PLAC1: variants seen among roughly 807,000 people sequenced by gnomAD.
PLAC1 encodes the protein placenta associated 1.
For synonymous variants in PLAC1, 68 were observed against 62.1 expected (o/e 1.09, Z -0.44); for missense variants, 136 against 163.2 (o/e 0.83, Z 0.91).
chrX:134,703,166 G>T (rs913884045), intron 2 of PLAC1, among the ~76,000 whole-genome samples: 6 of 111,679 alleles, frequency 5.4e-5, no homozygotes, highest in African/African-American at 2.0e-4. Context: ...TATGAATGTA[G>T]TCTAATGTAA....
upstream of PLAC1, among the ~76,000 whole-genome samples, chrX:134,661,283 G>C (rs775655595): frequency 5.3e-4 from 59 of 111,805 alleles, no homozygotes; most frequent in African/African-American, 1.9e-3. Flanking sequence ...ATAATGATCT[G>C]CGTAATTACT....
At position 134,715,587 on chromosome X, in the gene PLAC1, G is replaced by C. The variant is rs182834147; in HGVS notation, n.174+17848C>G. On this transcript the variant is annotated intron_variant and non_coding_transcript_variant, in intron 2 of 2. Transcript: ENST00000466797. ...AATTAACAGAAAGACTGACCTAGAA[G>C]ACCAGGGACTTCATTTGTGTCCTTG... Among the ~76,000 whole-genome samples, 102 of 111,393 alleles carry C rather than the reference G, an allele frequency of 9.2e-4. 1 individual carries two copies. The highest frequency in any genetic ancestry group is 3.1e-3 in the African/African-American group (95 of 30,654).
At chrX:134,584,164 A>G (rs1201865333) in intron 2 of PLAC1, among the ~76,000 whole-genome samples, 4 of 111,323 alleles carry the variant, frequency 3.6e-5, no homozygotes, top group Non-Finnish European at 7.5e-5. Context: ...AATAACTCCA[A>G]TTTGCTCCTT....
At chrX:134,608,437 T>C (rs968918997) in intron 1 of PLAC1, among the ~76,000 whole-genome samples, 1 of 111,869 alleles carries the variant, frequency 8.9e-6, no homozygotes, top group Non-Finnish European at 1.9e-5. Flanking sequence ...ACAAAAAGAC[T>C]GCTATATGAT....
At chrX:134,748,484 G>A (rs1314105155) in intron 1 of PLAC1, among the ~76,000 whole-genome samples, 1 of 111,591 alleles carries the variant, frequency 9.0e-6, no homozygotes, top group East Asian at 2.8e-4. Context: ...ATCTGATACC[G>A]CTACTGAATC....
intron 2 of PLAC1, among the ~76,000 whole-genome samples, chrX:134,664,543 T>C (rs931634148): frequency 2.7e-5 from 3 of 111,779 alleles, no homozygotes; most frequent in African/African-American, 6.5e-5. Flanking sequence ...AGAAAGTCCT[T>C]TGGGGCCTGA....
At chrX:134,699,466 T>C (rs925612636) in intron 2 of PLAC1, among the ~76,000 whole-genome samples, 1 of 112,011 alleles carries the variant, frequency 8.9e-6, no homozygotes, top group African/African-American at 3.2e-5. Context: ...TCCAGAACTG[T>C]GAGAATAAAT....
intron 1 of PLAC1, among the ~76,000 whole-genome samples, chrX:134,612,161 T>C (rs1414079347): frequency 8.9e-6 from 1 of 112,051 alleles, no homozygotes; most frequent in African/African-American, 3.2e-5. Flanking sequence ...ACTTAAGTAG[T>C]TCTCACAAGG....
At chrX:134,615,262 A>G (rs1252216680) in intron 1 of PLAC1, among the ~76,000 whole-genome samples, 1 of 111,990 alleles carries the variant, frequency 8.9e-6, no homozygotes, top group Non-Finnish European at 1.9e-5. Flanking sequence ...CTTGTTGACA[A>G]TAGCCAACCT....
intron 2 of PLAC1, among the ~76,000 whole-genome samples, chrX:134,733,281 T>G (rs1456580173): frequency 3.7e-5 from 4 of 109,056 alleles, no homozygotes; most frequent in Non-Finnish European, 5.7e-5. Context: ...GCTTAGAAGT[T>G]TTGTCTGTTG....
At chrX:134,644,487 G>A (rs1053346100) in intron 1 of PLAC1, among the ~76,000 whole-genome samples, 1 of 110,097 alleles carries the variant, frequency 9.1e-6, no homozygotes, top group African/African-American at 3.3e-5. Flanking sequence ...GGATGTGCAG[G>A]TTTGTTACAT....
At chrX:134,603,570 G>C (rs958403104) in intron 1 of PLAC1, among the ~76,000 whole-genome samples, 2 of 105,936 alleles carry the variant, frequency 1.9e-5, no homozygotes, top group Non-Finnish European at 3.9e-5. Flanking sequence ...CCCTGACCTC[G>C]TGATCCACCC....
At chrX:134,616,256 A>G (rs1301009742) in intron 1 of PLAC1, among the ~76,000 whole-genome samples, 2 of 111,737 alleles carry the variant, frequency 1.8e-5, no homozygotes, top group African/African-American at 6.5e-5. Flanking sequence ...CGCTGGAGTT[A>G]CAGGCATGAG....
intron 2 of PLAC1, among the ~76,000 whole-genome samples, chrX:134,687,029 A>C (rs1392936671): frequency 9.0e-6 from 1 of 111,354 alleles, no homozygotes; most frequent in African/African-American, 3.3e-5. Flanking sequence ...TGCCACTCTT[A>C]AGATCAATGT....
intron 1 of PLAC1, among the ~76,000 whole-genome samples, chrX:134,626,120 C>G (rs1254869302): frequency 8.9e-6 from 1 of 111,874 alleles, no homozygotes; most frequent in South Asian, 3.8e-4. Context: ...CTTTCACACA[C>G]GTTCCCTTCA....
At chrX:134,736,805 C>T (rs2078704259) in intron 1 of PLAC1, among the ~76,000 whole-genome samples, 1 of 112,220 alleles carries the variant, frequency 8.9e-6, no homozygotes, top group African/African-American at 3.2e-5. Context: ...GGGAAGCTCC[C>T]CTGAAAGAGG....
chrX:134,653,627 T>C (rs1180643773), intron 1 of PLAC1, among the ~76,000 whole-genome samples: 1 of 111,373 alleles, frequency 9.0e-6, no homozygotes, highest in Non-Finnish European at 1.9e-5. Context: ...GGTCAGCATA[T>C]GGCTTCATGG....
chrX:134,717,119 C>T (rs1018010523), intron 2 of PLAC1, among the ~76,000 whole-genome samples: 1 of 111,751 alleles, frequency 8.9e-6, no homozygotes, highest in Non-Finnish European at 1.9e-5. Flanking sequence ...TACTCTAAGG[C>T]CTTCTATGGG....
intron 1 of PLAC1, among the ~76,000 whole-genome samples, chrX:134,618,375 A>T (rs1307020614): frequency 1.8e-5 from 2 of 111,123 alleles, no homozygotes; most frequent in Admixed American, 9.6e-5. Flanking sequence ...TTTATTAAGC[A>T]CTTACTATGT....
Sources: gnomAD v4.1 joint callset for allele counts (sites outside exome capture counted in the v4.1 genomes callset) on GRCh38, gnomAD v4.1.1 for gene constraint, MANE v1.5 for transcripts, NCBI Gene and HGNC (gene_info 2026-07-23, HGNC 2026-07-21) for gene names.